Variants in NBEAL1 observed in about 807,000 individuals in gnomAD.
The protein encoded by NBEAL1 is neurobeachin-like protein 1.
A neutral mutation model predicts 351.3 loss-of-function variants in NBEAL1; 273 were observed. The ratio of observed to expected loss-of-function variants is 0.78; its 90% CI spans 0.70 to 0.86. The LOEUF (loss-of-function observed/expected upper bound fraction) is 0.86, where lower values mean the gene tolerates loss of function less well. NBEAL1 is among the 40% of genes least tolerant of loss of function. The pLI is 0.00. For synonymous variants in NBEAL1, 1,050 were observed against 1,086.4 expected (o/e 0.97, Z 0.66); for missense variants, 2,961 against 3,201.3 (o/e 0.92, Z 1.81).
Position 203,041,928 on chromosome 2 carries a change from A to C in NBEAL1, c.143+72A>C, listed in dbSNP as rs376918478. ...TTGGCACAAAGATTTCATTGATGAC[A>C]TATTACAAGGATGGCAATTATGTTA... On this transcript the variant is annotated intron_variant, in intron 3 of 55. Transcript: ENST00000683969. 4.7e-5 allele frequency: 46 copies of C among 982,758 alleles called. 2 individuals carry two copies. Among genetic ancestry groups the C allele is most frequent in the Admixed American group, 2.3e-4 (11 of 48,770 alleles). The allele number at this position is 982,758 out of a possible 1,614,324, so 60.9% of individuals were successfully genotyped here. A position where few individuals can be genotyped will look rare whatever the true frequency, so the allele number is the denominator to read the frequency against.
At chr2:203,150,857 A>C (rs996096546) in intron 34 of NBEAL1, among the ~76,000 whole-genome samples, 1 of 152,220 alleles carries the variant, frequency 6.6e-6, no homozygotes, top group Non-Finnish European at 1.5e-5. Context: ...TCAAGCTGTC[A>C]AGTCTGAAAG....
intron 31 of NBEAL1, among the ~76,000 whole-genome samples, chr2:203,141,991 G>A (rs1449079865): frequency 6.6e-6 from 1 of 152,178 alleles, no homozygotes; most frequent in Non-Finnish European, 1.5e-5. Context: ...GTTGTATATA[G>A]TGTCTCCGGT....
chr2:203,104,538 A>ATTCAAGGTTAGTACTC lies in NBEAL1; in HGVS notation c.1270-2867_1270-2866insCTTCAAGGTTAGTACT, dbSNP rs1360064739. On this transcript the variant is annotated intron_variant, in intron 12 of 55. Coordinates refer to ENST00000683969, the MANE Select transcript of NBEAL1 (RefSeq NM_001378026.1). Reference sequence around the variant, plus strand: ...TAATTGGGGAATTTAGCCCATATACATTCAAGGTTAGTACTAATCTGTGCA... The same window carrying ATTCAAGGTTAGTACTC: ...TAATTGGGGAATTTAGCCCATATACATTCAAGGTTAGTACTCTTCAAGGTTAGTACTAATCTGTGCA... Among the ~76,000 whole-genome samples the ATTCAAGGTTAGTACTC allele has an allele frequency of 4.6e-5, 7 of 152,302 alleles. No homozygotes were observed. In the East Asian group the frequency reaches 1.4e-3, roughly 29 times the overall value.
intron 29 of NBEAL1, among the ~76,000 whole-genome samples, 177 bp from the exon 30 acceptor site, chr2:203,137,985 C>G (rs1242293810): frequency 1.8e-5 from 2 of 109,676 alleles, no homozygotes; most frequent in African/African-American, 3.0e-5. Flanking sequence ...CTCTGCACTC[C>G]GTCTCAAAAA....
chr2:203,202,895 T>A, intron 51 of NBEAL1, 114 bp downstream of exon 51: 1 of 649,128 alleles, frequency 1.5e-6, no homozygotes, highest in East Asian at 2.6e-5. Context: ...AGCTCCTTTG[T>A]ATTCTTTTTA....
In NBEAL1 at chr2:203,188,594, A is replaced by G. The variant is rs1575105431; in HGVS notation, c.6823+5A>G. On this transcript the variant is annotated splice_donor_5th_base_variant and intron_variant, in intron 45 of 55. Transcript: ENST00000683969. ...TCTATTATTGTAGTTATGAAGGTATAAATCTATACACTTTTTCTCTTGCTT... is the reference window on the plus strand; with the variant it reads ...TCTATTATTGTAGTTATGAAGGTATGAATCTATACACTTTTTCTCTTGCTT... 6.7e-7 allele frequency: 1 copy of G among 1,495,908 alleles called. No homozygotes were observed. Among genetic ancestry groups the G allele is most frequent in the East Asian group, 2.3e-5 (1 of 43,904 alleles). The allele number at this position is 1,495,908 out of a possible 1,614,324, so 92.7% of individuals were successfully genotyped here.
chr2:203,031,038 T>C (rs2060941735), intron 2 of NBEAL1, among the ~76,000 whole-genome samples: 1 of 152,228 alleles, frequency 6.6e-6, no homozygotes, highest in African/African-American at 2.4e-5. Flanking sequence ...TTGTAAGATA[T>C]GCCATTACTT....
intron 2 of NBEAL1, among the ~76,000 whole-genome samples, chr2:203,020,281 A>T (rs1445923303): frequency 2.0e-5 from 3 of 152,212 alleles, no homozygotes; most frequent in Admixed American, 2.0e-4. Context: ...TGTAAACCTT[A>T]TGTTGTTATT....
At chr2:203,105,017 G>C (rs559495361) in intron 12 of NBEAL1, among the ~76,000 whole-genome samples, 1 of 151,662 alleles carries the variant, frequency 6.6e-6, no homozygotes, top group South Asian at 2.1e-4. Context: ...TTGCCACCAC[G>C]CCTGGCTAAT....
chr2:203,154,320 T>C (rs1379227836), intron 35 of NBEAL1, among the ~76,000 whole-genome samples: 1 of 151,978 alleles, frequency 6.6e-6, no homozygotes, highest in Non-Finnish European at 1.5e-5. Context: ...AAGGTGAAAT[T>C]GGAAATCATA....
In NBEAL1 at chr2:203,157,963, A is replaced by C. The variant is rs192307402; in HGVS notation, c.5714+138A>C. On this transcript the variant is annotated intron_variant, in intron 36 of 55. Transcript: ENST00000683969. ...CTGTATCAGCTGTTAGGATTTTATC[A>C]GTATTAACTGAGATTATTGAGGAAG... 95 of 622,402 alleles carry C rather than the reference A, an allele frequency of 1.5e-4. 2 individuals are homozygous for C. The highest frequency in any genetic ancestry group is 8.0e-5 in the Admixed American group (2 of 25,060). The allele number at this position is 622,402 out of a possible 1,614,324, so 38.6% of individuals were successfully genotyped here. A position where few individuals can be genotyped will look rare whatever the true frequency, so the allele number is the denominator to read the frequency against.
chr2:203,040,352 C>T (rs375499079), intron 2 of NBEAL1: 3 of 713,622 alleles, frequency 4.2e-6, no homozygotes, highest in African/African-American at 3.5e-5. Context: ...TTGGAATTGC[C>T]AGATAAACAT....
intron 51 of NBEAL1, among the ~76,000 whole-genome samples, chr2:203,207,419 A>G (rs969366094): frequency 8.5e-5 from 13 of 152,208 alleles, no homozygotes; most frequent in African/African-American, 2.9e-4. Context: ...TGTGCCCAAC[A>G]GCTCATTGAG....
In NBEAL1 at chr2:203,057,338, A is replaced by G; in HGVS notation, c.400A>G (p.Lys134Glu). The G allele has an allele frequency of 2.6e-6, 4 of 1,549,210 alleles. No homozygotes were observed. The highest frequency in any genetic ancestry group is 3.5e-6 in the Non-Finnish European group (4 of 1,145,554). The change falls in exon 6 of 56, where the codon AAA (lysine) becomes GAA (glutamate). Residue 134 changes from lysine to glutamate, a missense_variant. Transcript: ENST00000683969. ...TLYIQQLKSK[K>E]KEKEMADQTC... Reference sequence around the variant, plus strand: ...ACTTTGTTCTCAGTTAAAAAGCAAAAAAAAAGAGAAGGAAATGGCAGATCA... The same window carrying G: ...ACTTTGTTCTCAGTTAAAAAGCAAAGAAAAAGAGAAGGAAATGGCAGATCA...
intron 54 of NBEAL1, among the ~76,000 whole-genome samples, chr2:203,211,806 G>A (rs1053057774): frequency 6.6e-6 from 1 of 152,150 alleles, no homozygotes; most frequent in Non-Finnish European, 1.5e-5. Flanking sequence ...TTAAGCATGT[G>A]TGTGTATAAA....
chr2:203,120,025 T>A (rs1199050206), intron 18 of NBEAL1, among the ~76,000 whole-genome samples: 1 of 152,140 alleles, frequency 6.6e-6, no homozygotes, highest in Non-Finnish European at 1.5e-5. Context: ...ACCCTTACAA[T>A]ACAAAGATAA....
chr2:203,209,792 A>G (rs1419984099), intron 53 of NBEAL1, among the ~76,000 whole-genome samples: 1 of 149,698 alleles, frequency 6.7e-6, no homozygotes, highest in Non-Finnish European at 1.5e-5. Flanking sequence ...GCTGGAGTGC[A>G]GTGGCGCAAT....
chr2:203,213,865 T>C, intron 55 of NBEAL1: 1 of 773,490 alleles, frequency 1.3e-6, no homozygotes, highest in Non-Finnish European at 1.6e-6. Context: ...GGCAATTCTA[T>C]CTACCACTCT....
intron 6 of NBEAL1, among the ~76,000 whole-genome samples, chr2:203,059,474 T>C (rs567530630): frequency 6.6e-6 from 1 of 152,226 alleles, no homozygotes; most frequent in Non-Finnish European, 1.5e-5. Context: ...CTGGTCACCA[T>C]GTGTGAGAGA....
Sources: allele counts gnomAD v4.1 joint callset (sites outside exome capture counted in the v4.1 genomes callset), GRCh38; gene constraint gnomAD v4.1.1; transcripts MANE v1.5; gene names NCBI Gene and HGNC (gene_info 2026-07-23, HGNC 2026-07-21).